The following TRPM3 variants were observed in gnomAD, a reference collection of about 807,000 sequenced individuals.
The protein encoded by TRPM3 is transient receptor potential cation channel subfamily M member 3, also known as long transient receptor potential channel 3.
A neutral mutation model predicts 181.2 loss-of-function variants in TRPM3; 77 were observed. The ratio of observed to expected loss-of-function variants is 0.42; its 90% confidence interval spans 0.35 to 0.51. The LOEUF is 0.51. TRPM3 is among the 20% of genes least tolerant of loss of function. The probability of loss-of-function intolerance (pLI) is 0.01; values close to 1 mark genes in which losing one functional copy is unlikely to be tolerated. For synonymous variants in TRPM3, 745 were observed against 796.4 expected, an observed-to-expected ratio of 0.94 and a Z score of 1.09; for missense variants, 1,759 against 2,196.7, an observed-to-expected ratio of 0.80 and a Z score of 3.98.
intron 1 of TRPM3, among the ~76,000 whole-genome samples, chr9:71,131,590 A>G (rs2074378012): frequency 6.6e-6 from 1 of 152,200 alleles, no homozygotes; most frequent in Non-Finnish European, 1.5e-5. Context: ...CATTTCTTGC[A>G]AGTCATTTAG....
chr9:71,320,537 C>G (rs540303931), intron 1 of TRPM3, among the ~76,000 whole-genome samples: 4 of 152,228 alleles, frequency 2.6e-5, no homozygotes, highest in Admixed American at 2.6e-4. Context: ...TTCATTGCTC[C>G]TGACCAGTAA....
chr9:71,439,903 G>T (rs368309456), intron 1 of TRPM3, among the ~76,000 whole-genome samples: 2 of 152,016 alleles, frequency 1.3e-5, no homozygotes, highest in South Asian at 2.1e-4. Flanking sequence ...GGCAGATCAC[G>T]AGGTCAGGAG....
At chr9:70,798,379 C>T (rs921540425) in intron 6 of TRPM3, among the ~76,000 whole-genome samples, 6 of 152,110 alleles carry the variant, frequency 3.9e-5, no homozygotes. Flanking sequence ...TTTACTTTAG[C>T]CCCTCAGAGA....
chr9:70,547,178 T>C (rs2045200447), intron 25 of TRPM3, among the ~76,000 whole-genome samples: 1 of 152,176 alleles, frequency 6.6e-6, no homozygotes, highest in South Asian at 2.1e-4. Flanking sequence ...ATCTCTGTTA[T>C]TGGGGTTATC....
intron 1 of TRPM3, among the ~76,000 whole-genome samples, chr9:71,218,668 A>G (rs2131838368): frequency 6.6e-6 from 1 of 152,348 alleles, no homozygotes; most frequent in African/African-American, 2.4e-5. Flanking sequence ...ACATTTATTG[A>G]CTACCTATTA....
chr9:70,556,929 T>C (rs1356738016), intron 22 of TRPM3, among the ~76,000 whole-genome samples: 1 of 152,182 alleles, frequency 6.6e-6, no homozygotes, highest in African/African-American at 2.4e-5. Context: ...TCAATGAACA[T>C]TAGCTGAGTC....
chr9:70,599,258 A>G (rs918399121), intron 20 of TRPM3, among the ~76,000 whole-genome samples: 2 of 152,148 alleles, frequency 1.3e-5, no homozygotes, highest in African/African-American at 4.8e-5. Context: ...ACAAATAATG[A>G]TCTTTAAAAG....
At chr9:71,349,239 C>A (rs1015165526) in intron 1 of TRPM3, among the ~76,000 whole-genome samples, 2 of 152,144 alleles carry the variant, frequency 1.3e-5, no homozygotes, top group Non-Finnish European at 2.9e-5. Flanking sequence ...ATCCAAGAAT[C>A]CATATATAAT....
intron 8 of TRPM3, among the ~76,000 whole-genome samples, chr9:70,700,901 A>ATTT (rs1335584499): frequency 6.6e-6 from 1 of 152,206 alleles, no homozygotes; most frequent in African/African-American, 2.4e-5. Flanking sequence ...CTCTGGTATG[A>ATTT]TTTTACTGTA....
At chr9:71,085,549 A>AAAAGAAGAT (rs1348520956) in intron 1 of TRPM3, among the ~76,000 whole-genome samples, 2 of 151,996 alleles carry the variant, frequency 1.3e-5, no homozygotes, top group African/African-American at 4.8e-5. Context: ...GATACTTCTC[A>AAAAGAAGAT]ACAAAGAGCC....
At chr9:71,286,963 A>ATATATAATTATATTATATAATTATAT (rs1565424434) in intron 1 of TRPM3, among the ~76,000 whole-genome samples, 4 of 138,190 alleles carry the variant, frequency 2.9e-5, no homozygotes, top group African/African-American at 1.1e-4. Context: ...TATATAAATT[A>ATATATAATTATATTATATAATTATAT]TATATAATAT....
At chr9:71,235,491 A>AT (rs1280940936) in intron 1 of TRPM3, among the ~76,000 whole-genome samples, 1 of 152,232 alleles carries the variant, frequency 6.6e-6, no homozygotes, top group Non-Finnish European at 1.5e-5. Flanking sequence ...TATTTATTGA[A>AT]TAAATGAACA....
chr9:70,540,813 C>T (rs1466770103), intron 25 of TRPM3, among the ~76,000 whole-genome samples: 1 of 152,184 alleles, frequency 6.6e-6, no homozygotes, highest in African/African-American at 2.4e-5. Context: ...GTCTTGACCT[C>T]CCGGGGCTCA....
intron 8 of TRPM3, among the ~76,000 whole-genome samples, chr9:70,751,751 G>A (rs747266761): frequency 1.1e-4 from 17 of 151,996 alleles, no homozygotes; most frequent in Non-Finnish European, 2.2e-4. Flanking sequence ...AATTATGGAG[G>A]AAATGCAAAG....
chr9:71,005,753 G>A (rs901719124), intron 1 of TRPM3, among the ~76,000 whole-genome samples: 4 of 152,132 alleles, frequency 2.6e-5, no homozygotes, highest in African/African-American at 9.7e-5. Flanking sequence ...CACCAGACCT[G>A]TCTTACAAAA....
intron 3 of TRPM3, among the ~76,000 whole-genome samples, chr9:70,849,332 A>T (rs1453933167): frequency 6.6e-6 from 1 of 152,162 alleles, no homozygotes; most frequent in Non-Finnish European, 1.5e-5. Flanking sequence ...TTTTTATTAT[A>T]GACGGGGTTT....
chr9:71,191,027 AT>A (rs2077990657), intron 1 of TRPM3, among the ~76,000 whole-genome samples: 3 of 151,756 alleles, frequency 2.0e-5, no homozygotes, highest in Admixed American at 6.6e-5. Context: ...GTTTAGACAT[AT>A]TTTCCCATGT....
chr9:70,963,378 C>A (rs1377706485), intron 1 of TRPM3, among the ~76,000 whole-genome samples: 2 of 152,046 alleles, frequency 1.3e-5, no homozygotes, highest in Non-Finnish European at 2.9e-5. Context: ...CAATACATAC[C>A]ATTTTATTCC....
intron 1 of TRPM3, among the ~76,000 whole-genome samples, chr9:71,095,576 T>C (rs2067004651): frequency 6.6e-6 from 1 of 151,892 alleles, no homozygotes; most frequent in Non-Finnish European, 1.5e-5. Flanking sequence ...CTGGCCAACA[T>C]AGCAAAACCT....
Sources: allele counts gnomAD v4.1 joint callset (sites outside exome capture counted in the v4.1 genomes callset), GRCh38; gene constraint gnomAD v4.1.1; transcripts MANE v1.5; gene names NCBI Gene and HGNC (gene_info 2026-07-23, HGNC 2026-07-21).